The following HK2 variants were observed in gnomAD, a reference collection of about 807,000 sequenced individuals.
HK2 encodes hexokinase 2.
HK2 carries 42 observed loss-of-function variants against 92.9 expected under a neutral mutation model. The ratio of observed to expected loss-of-function variants is 0.45; its 90% CI spans 0.35 to 0.58. HK2 has a LOEUF of 0.58. Ranked by LOEUF, HK2 falls within the 20% of genes least tolerant of loss-of-function variation. The probability of loss-of-function intolerance (pLI) is 0.00; values close to 1 mark genes in which losing one functional copy is unlikely to be tolerated. For synonymous variants in HK2, 422 were observed against 468.0 expected (o/e 0.90, Z 1.27); for missense variants, 978 against 1,245.1 (o/e 0.79, Z 3.23).
At chr2:74,887,860 C>A in intron 15 of HK2, 43 bp from the exon 16 acceptor site, 1 of 1,605,400 alleles carries the variant, frequency 6.2e-7, no homozygotes, top group Non-Finnish European at 8.5e-7. Context: ...ACACATCCCT[C>A]CACCTTCCTA....
At chr2:74,884,379 C>T (rs2104003027) in intron 12 of HK2, among the ~76,000 whole-genome samples, 1 of 152,346 alleles carries the variant, frequency 6.6e-6, no homozygotes, top group South Asian at 2.1e-4. Context: ...TCTGTGGCCC[C>T]CAGCTGTGTT....
chr2:74,841,135 A>G (rs950386027), intron 1 of HK2, among the ~76,000 whole-genome samples: 4 of 152,150 alleles, frequency 2.6e-5, no homozygotes, highest in Non-Finnish European at 5.9e-5. Flanking sequence ...ACCTTACTCA[A>G]ATTTCCAGAG....
intron 7 of HK2, among the ~76,000 whole-genome samples, chr2:74,876,668 G>A (rs550020604): frequency 6.6e-6 from 1 of 152,262 alleles, no homozygotes; most frequent in East Asian, 1.9e-4. Flanking sequence ...CCCTGCCCCA[G>A]GTGGTTTTCA....
At chr2:74,888,481 G>A (rs1689593874) in intron 16 of HK2, among the ~76,000 whole-genome samples, 1 of 152,248 alleles carries the variant, frequency 6.6e-6, no homozygotes, top group Non-Finnish European at 1.5e-5. Flanking sequence ...AGGCAATGCA[G>A]ACACATGCCA....
chr2:74,874,297 G>C lies in HK2; in HGVS notation c.723G>C (p.Glu241Asp), dbSNP rs781176203. The C allele has an allele frequency of 3.0e-5, 48 of 1,614,094 alleles. No individual in the cohort carries two copies. The highest frequency in any genetic ancestry group is 3.8e-5 in the Non-Finnish European group (45 of 1,180,046). ...GTGSNACYME[E>D]MRHIDMVEGD... ...GCAGCAACGCCTGCTACATGGAAGA[G>C]ATGCGCCACATCGACATGGTGGAAG... Residue 241 changes from glutamate (E) to aspartate (D), a missense_variant, in exon 7 of 18, where the codon GAG (glutamate) becomes GAC (aspartate). Physicochemically the swap from Glu to Asp is conservative, Grantham distance 45. Coordinates refer to ENST00000290573, the MANE Select transcript of HK2 (RefSeq NM_000189.5).
intron 17 of HK2, among the ~76,000 whole-genome samples, chr2:74,890,534 G>A (rs754149576): frequency 6.6e-6 from 1 of 152,100 alleles, no homozygotes; most frequent in African/African-American, 2.4e-5. Flanking sequence ...GATCTCAGAC[G>A]TTTGTCCCAG....
intron 2 of HK2, among the ~76,000 whole-genome samples, chr2:74,866,232 A>T (rs911228185): frequency 6.6e-6 from 1 of 152,048 alleles, no homozygotes; most frequent in African/African-American, 2.4e-5. Flanking sequence ...CTGGGTGTAA[A>T]ACAAACATTC....
In HK2 at chr2:74,834,788, T is replaced by A; in HGVS notation, c.63+145T>A. On this transcript the variant is annotated intron_variant, in intron 1 of 17. Transcript: ENST00000290573. The surrounding 1 kb of genome is among the most constrained non-coding windows in gnomAD (Gnocchi z 4.2). ...AAAGTTTGGGCAGCCGGGACACTCCTGGGCGCCAGGAGCCACGTCCGCTAA... is the reference window on the plus strand; with the variant it reads ...AAAGTTTGGGCAGCCGGGACACTCCAGGGCGCCAGGAGCCACGTCCGCTAA... The A allele has an allele frequency of 1.1e-6, 1 of 874,616 alleles. No individual in the cohort carries two copies. Among genetic ancestry groups the A allele is most frequent in the South Asian group, 1.4e-5 (1 of 72,732 alleles). 54.2% of individuals were successfully genotyped at this position (874,616 alleles called of 1,614,324 possible).
At chr2:74,839,892 TCTGCC>T (rs1215591952) in intron 1 of HK2, among the ~76,000 whole-genome samples, 1 of 151,286 alleles carries the variant, frequency 6.6e-6, no homozygotes, top group East Asian at 1.9e-4. Context: ...GACCTCGTGA[TCTGCC>T]CACTTTGGCC....
chr2:74,854,228 G>A, intron 1 of HK2, 65 bp from the exon 2 acceptor site: 1 of 1,465,830 alleles, frequency 6.8e-7, no homozygotes, highest in South Asian at 1.1e-5. Flanking sequence ...GGTGTTCCAT[G>A]ACGTACACCT....
chr2:74,880,307 C>T lies in HK2; in HGVS notation c.1308C>T (p.Pro436=), dbSNP rs1163403917. ...RLHKTVRRLV[P]GCDVRFLRSE... The stretch of plus-strand genomic sequence containing the variant: ...ATAAGACCGTGCGGCGGCTGGTGCC[C>T]GGCTGCGATGTCCGCTTCCTCCGCT... Residue 436 remains proline, a synonymous_variant, in exon 10 of 18, where the codon CCC becomes CCT. Coordinates refer to ENST00000290573, the MANE Select transcript of HK2 (RefSeq NM_000189.5). 15 of 1,614,130 alleles carry T rather than the reference C, an allele frequency of 9.3e-6. No homozygotes were observed. Among genetic ancestry groups the T allele is most frequent in the South Asian group, 5.5e-5 (5 of 91,080 alleles).
In HK2 at chr2:74,877,159, C is replaced by G. The variant is rs767044426; in HGVS notation, c.876-7C>G. The G allele has an allele frequency of 1.9e-6, 3 of 1,613,666 alleles. No individual in the cohort carries two copies. The highest frequency in any genetic ancestry group is 2.2e-5 in the South Asian group (2 of 91,064). ...ACTTTATGTTTTTGGTTTGTGTCTT[C>G]CGGCAGGTTTGAGAAGATGATCAGT... is the stretch of plus-strand genomic sequence containing the variant. On this transcript the variant is annotated splice_polypyrimidine_tract_variant and splice_region_variant and intron_variant, in intron 7 of 17. Coordinates refer to ENST00000290573, the MANE Select transcript of HK2 (RefSeq NM_000189.5).
intron 12 of HK2, 28 bp downstream of exon 12, chr2:74,882,267 C>T (rs1689415389): frequency 6.2e-7 from 1 of 1,613,428 alleles, no homozygotes; most frequent in Admixed American, 1.7e-5. Context: ...GAGGGCTCTC[C>T]TGTGGGCTTT....
At chr2:74,865,846 G>A (rs544603319) in intron 2 of HK2, among the ~76,000 whole-genome samples, 3 of 152,194 alleles carry the variant, frequency 2.0e-5, no homozygotes, top group Admixed American at 1.3e-4. Flanking sequence ...CCTAGAGCCC[G>A]GAGAGAGAGT....
chr2:74,860,462 C>T (rs1487133395), intron 2 of HK2, among the ~76,000 whole-genome samples: 1 of 152,226 alleles, frequency 6.6e-6, no homozygotes, highest in Non-Finnish European at 1.5e-5. Context: ...CTATTTTCCA[C>T]ATATGTGAGT....
At chr2:74,836,855 C>A (rs1046231892) in intron 1 of HK2, among the ~76,000 whole-genome samples, 1 of 152,040 alleles carries the variant, frequency 6.6e-6, no homozygotes, top group African/African-American at 2.4e-5. Flanking sequence ...TTGAAAAGAC[C>A]TTTTGATTTG....
Position 74,892,502 on chromosome 2 carries a change from T to C in HK2, c.*1561T>C, listed in dbSNP as rs947766174. 6.6e-6 allele frequency: 1 copy of C among 152,054 alleles called. No homozygotes were observed. Among genetic ancestry groups the C allele is most frequent in the African/African-American group, 2.4e-5 (1 of 41,390 alleles). The allele number at this position is 152,054 out of a possible 1,614,324, so 9.4% of individuals were successfully genotyped here. On this transcript the variant is annotated 3_prime_UTR_variant, in exon 18 of 18. Coordinates refer to ENST00000290573, the MANE Select transcript of HK2 (RefSeq NM_000189.5). Reference sequence around the variant, plus strand: ...TTCAAACTATTGGGAGGGATGAGAGTGGCTTAAAAACTTCCATCCCTACTT... The same window carrying C: ...TTCAAACTATTGGGAGGGATGAGAGCGGCTTAAAAACTTCCATCCCTACTT...
chr2:74,872,195 G>A, intron 3 of HK2, 105 bp from the exon 4 acceptor site: 2 of 1,163,944 alleles, frequency 1.7e-6, no homozygotes, highest in Non-Finnish European at 2.6e-6. Flanking sequence ...GGAGATATGG[G>A]TTTTGCACAC....
chr2:74,835,631 A>G (rs956768591), intron 1 of HK2, among the ~76,000 whole-genome samples: 1 of 151,972 alleles, frequency 6.6e-6, no homozygotes, highest in Non-Finnish European at 1.5e-5. Context: ...GGGGCCGGGG[A>G]CGGGCAGGGC....
Sources: gnomAD v4.1 joint callset for allele counts (sites outside exome capture counted in the v4.1 genomes callset) on GRCh38, gnomAD v4.1.1 for gene constraint, Gnocchi (gnomAD v3.1) non-coding constraint, MANE v1.5 for transcripts, NCBI Gene and HGNC (gene_info 2026-07-23, HGNC 2026-07-21) for gene names.